XKR6: variants seen among roughly 807,000 people sequenced by gnomAD.
The protein encoded by XKR6 is XK-related protein 6.
A neutral mutation model predicts 56.7 loss-of-function variants in XKR6; 22 were observed. The ratio of observed to expected loss-of-function variants is 0.39; its 90% CI spans 0.28 to 0.55. The LOEUF is 0.55. Ranked by LOEUF, XKR6 falls within the 20% of genes least tolerant of loss-of-function variation. The probability of loss-of-function intolerance (pLI) is 0.66; values close to 1 mark genes in which losing one functional copy is unlikely to be tolerated. For missense variants in XKR6, 852 were observed against 889.0 expected, an observed-to-expected ratio of 0.96 and a Z score of 0.53; for synonymous variants, 524 against 387.8, an observed-to-expected ratio of 1.35 and a Z score of -4.13.
intron 1 of XKR6, among the ~76,000 whole-genome samples, chr8:10,993,914 G>C (rs1465599711): frequency 6.6e-6 from 1 of 152,194 alleles, no homozygotes; most frequent in African/African-American, 2.4e-5. Context: ...GTAGGGCCTG[G>C]AGTGAATTCT....
At chr8:11,037,495 G>T (rs1799175441) in intron 1 of XKR6, among the ~76,000 whole-genome samples, 1 of 152,176 alleles carries the variant, frequency 6.6e-6, no homozygotes. Flanking sequence ...AAAGTACCGG[G>T]ATTACAGGCA....
intron 1 of XKR6, among the ~76,000 whole-genome samples, chr8:11,193,033 A>G (rs1585040927): frequency 1.3e-5 from 2 of 152,318 alleles, no homozygotes; most frequent in Admixed American, 1.3e-4. Context: ...TGGTGATATG[A>G]ATGTTTTAGC....
chr8:11,101,703 T>C (rs1798491409), intron 1 of XKR6, among the ~76,000 whole-genome samples: 1 of 152,214 alleles, frequency 6.6e-6, no homozygotes, highest in Admixed American at 6.5e-5. Flanking sequence ...TGTGCAACTC[T>C]CACTCCTTAG....
At chr8:11,125,812 C>G (rs575096752) in intron 1 of XKR6, 1 of 152,326 alleles carries the variant, frequency 6.6e-6, no homozygotes, top group South Asian at 2.1e-4. Context: ...TTACCAAAGC[C>G]TCTCATAAAA....
intron 1 of XKR6, among the ~76,000 whole-genome samples, chr8:11,133,343 G>A (rs950409670): frequency 2.0e-5 from 3 of 152,030 alleles, no homozygotes; most frequent in African/African-American, 4.8e-5. Flanking sequence ...AGCAATAATC[G>A]TTCCTCTGTC....
At chr8:11,100,740 G>A (rs1449328686) in intron 1 of XKR6, among the ~76,000 whole-genome samples, 2 of 152,306 alleles carry the variant, frequency 1.3e-5, no homozygotes, top group Non-Finnish European at 2.9e-5. Context: ...TAGGCTAATT[G>A]AACTAGGAAT....
At chr8:11,091,900 A>G (rs1363277981) in intron 1 of XKR6, among the ~76,000 whole-genome samples, 1 of 152,212 alleles carries the variant, frequency 6.6e-6, no homozygotes, top group Middle Eastern at 3.2e-3. Flanking sequence ...CATCGTAAGC[A>G]TTCAATAAAT....
intron 1 of XKR6, among the ~76,000 whole-genome samples, chr8:11,020,726 T>G (rs1158365413): frequency 6.6e-6 from 1 of 152,216 alleles, no homozygotes; most frequent in African/African-American, 2.4e-5. Flanking sequence ...TCTTACGCCT[T>G]TTTCCTAATA....
intron 1 of XKR6, among the ~76,000 whole-genome samples, chr8:10,942,585 C>G (rs1256562811): frequency 6.6e-6 from 1 of 152,250 alleles, no homozygotes; most frequent in African/African-American, 2.4e-5. Flanking sequence ...CTGTTGGACT[C>G]ACCTCAGAGA....
chr8:11,070,901 C>T (rs1299478958), intron 1 of XKR6, among the ~76,000 whole-genome samples: 3 of 152,146 alleles, frequency 2.0e-5, no homozygotes, highest in South Asian at 2.1e-4. Flanking sequence ...ACCCACCAGA[C>T]CAAGAGTACA....
Position 11,108,186 on chromosome 8 carries a change from A to G in XKR6, c.764+92390T>C, listed in dbSNP as rs951164459. 3 of 437,816 alleles carry G rather than the reference A, an allele frequency of 6.9e-6. 1 individual carries two copies. Among genetic ancestry groups the G allele is most frequent in the Admixed American group, 2.5e-5 (1 of 40,052 alleles). The allele number at this position is 437,816 out of a possible 1,614,324, so 27.1% of individuals were successfully genotyped here. The stretch of plus-strand genomic sequence containing the variant: ...GGTGCATCTGTTCTGTTAAATGTCC[A>G]CTACACTTATAAACAAATTAACCAA... On this transcript the variant is annotated intron_variant, in intron 1 of 2. Transcript: ENST00000416569.
chr8:10,975,227 C>T (rs1802518418), intron 1 of XKR6, among the ~76,000 whole-genome samples: 1 of 152,226 alleles, frequency 6.6e-6, no homozygotes, highest in African/African-American at 2.4e-5. Flanking sequence ...GATCCCTTGG[C>T]TGCCCCGGCA....
chr8:11,135,971 C>G (rs980841715), intron 1 of XKR6, among the ~76,000 whole-genome samples: 1 of 152,050 alleles, frequency 6.6e-6, no homozygotes, highest in Non-Finnish European at 1.5e-5. Flanking sequence ...TTATATAACT[C>G]AAAGTTACCA....
chr8:10,963,476 C>G (rs747922791), intron 1 of XKR6, among the ~76,000 whole-genome samples: 1 of 152,156 alleles, frequency 6.6e-6, no homozygotes, highest in Non-Finnish European at 1.5e-5. Context: ...CCAGACAATC[C>G]GGGCAGGAAT....
At position 10,948,655 on chromosome 8, in the gene XKR6, G is replaced by A. The variant is rs576410897; in HGVS notation, c.765-23825C>T. ...CCCGTCCTCTAGCACCTCCCACCCC[G>A]CAGGACCCGGTCTGTCCTCTCCTAT... On this transcript the variant is annotated intron_variant, in intron 1 of 2. Coordinates refer to ENST00000416569, the MANE Select transcript of XKR6 (RefSeq NM_173683.4). Among the ~76,000 whole-genome samples, 12 of 152,114 alleles carry A rather than the reference G, an allele frequency of 7.9e-5. 1 individual carries two copies. In the South Asian group the frequency reaches 2.3e-3, roughly 29 times the overall value.
chr8:11,094,485 C>A lies in XKR6; in HGVS notation c.764+106091G>T, dbSNP rs538522740. On this transcript the variant is annotated intron_variant, in intron 1 of 2. Transcript: ENST00000416569. ...GAGTACAGGCCAGAGCCACTACACCCGGCCATTATCTACTTTTCATTTGGG... is the reference window on the plus strand; with the variant it reads ...GAGTACAGGCCAGAGCCACTACACCAGGCCATTATCTACTTTTCATTTGGG... Among the ~76,000 whole-genome samples, 221 of 152,296 alleles carry A rather than the reference C, an allele frequency of 1.5e-3. 2 individuals carry two copies. The highest frequency in any genetic ancestry group is 4.9e-3 in the African/African-American group (203 of 41,556).
At chr8:11,145,337 C>G (rs73547456) in intron 1 of XKR6, among the ~76,000 whole-genome samples, 3,393 of 152,208 alleles carry the variant, frequency 0.022, 49 homozygotes, top group African/African-American at 0.036. Flanking sequence ...AGAAACGTCT[C>G]TAAGTCTCCC....
intron 2 of XKR6, among the ~76,000 whole-genome samples, chr8:10,901,953 A>C (rs948097561): frequency 2.0e-5 from 3 of 152,212 alleles, no homozygotes; most frequent in African/African-American, 7.2e-5. Flanking sequence ...ACCAGTTGCA[A>C]AGCCAAATAG....
chr8:10,947,382 A>T (rs1563304982), intron 1 of XKR6, among the ~76,000 whole-genome samples: 1 of 152,096 alleles, frequency 6.6e-6, no homozygotes, highest in Non-Finnish European at 1.5e-5. Flanking sequence ...CAAGATGACA[A>T]TCCAGGCTGG....
Sources: gnomAD v4.1 joint callset for allele counts (sites outside exome capture counted in the v4.1 genomes callset) on GRCh38, gnomAD v4.1.1 for gene constraint, MANE v1.5 for transcripts, NCBI Gene and HGNC (gene_info 2026-07-23, HGNC 2026-07-21) for gene names.